The following MDGA2 variants were observed in gnomAD, a reference collection of about 807,000 sequenced individuals.
MDGA2 encodes the protein MAM domain-containing glycosylphosphatidylinositol anchor protein 2.
MDGA2 carries 40 observed loss-of-function variants against 117.8 expected under a neutral mutation model. The observed-to-expected ratio is 0.34, with a 90% CI of 0.26 to 0.44. The LOEUF is 0.44. MDGA2 is among the 20% of genes least tolerant of loss of function. The pLI is 1.00. For synonymous variants in MDGA2, 452 were observed against 439.0 expected (o/e 1.03, Z -0.37); for missense variants, 1,123 against 1,250.6 (o/e 0.90, Z 1.54).
chr14:47,027,168 TG>T (rs1374552355), intron 8 of MDGA2, among the ~76,000 whole-genome samples: 1 of 148,744 alleles, frequency 6.7e-6, no homozygotes, highest in Non-Finnish European at 1.5e-5. Flanking sequence ...TCTCAAAAAA[TG>T]GAAAAAAAAA....
chr14:47,292,757 T>C (rs1221278151), intron 2 of MDGA2, among the ~76,000 whole-genome samples: 1 of 152,178 alleles, frequency 6.6e-6, no homozygotes, highest in Non-Finnish European at 1.5e-5. Context: ...ATGATTGTGA[T>C]CTTCCATTAT....
chr14:47,344,178 T>C (rs1248827815), intron 1 of MDGA2, among the ~76,000 whole-genome samples: 2 of 152,196 alleles, frequency 1.3e-5, no homozygotes, highest in Non-Finnish European at 2.9e-5. Context: ...TATTTATTTA[T>C]TTCCTAAAGA....
chr14:47,248,704 A>T (rs1001565775), intron 2 of MDGA2, among the ~76,000 whole-genome samples: 1 of 152,122 alleles, frequency 6.6e-6, no homozygotes, highest in Non-Finnish European at 1.5e-5. Context: ...ATAATTGTAA[A>T]TCTTATTAGT....
intron 5 of MDGA2, among the ~76,000 whole-genome samples, chr14:47,119,151 C>T (rs1187139039): frequency 5.8e-5 from 7 of 121,174 alleles, no homozygotes; most frequent in South Asian, 2.9e-4. Flanking sequence ...CCTGGGTTCA[C>T]GCCATTCTCC....
intron 1 of MDGA2, among the ~76,000 whole-genome samples, chr14:47,597,559 A>C (rs1434772892): frequency 6.6e-6 from 1 of 152,074 alleles, no homozygotes; most frequent in Non-Finnish European, 1.5e-5. Flanking sequence ...AGAAATTGGA[A>C]AATGTAAAAA....
intron 7 of MDGA2, among the ~76,000 whole-genome samples, chr14:47,037,345 T>C (rs771425279): frequency 5.9e-5 from 9 of 152,166 alleles, no homozygotes; most frequent in Non-Finnish European, 1.2e-4. Context: ...GAATAACAGA[T>C]AATAAATACT....
At chr14:47,429,004 C>T (rs985455713) in intron 1 of MDGA2, among the ~76,000 whole-genome samples, 3 of 151,996 alleles carry the variant, frequency 2.0e-5, no homozygotes, top group Non-Finnish European at 1.5e-5. Flanking sequence ...GCAGGTGGAT[C>T]GCTTGAGGTC....
At chr14:46,866,911 T>C (rs577649934) in intron 14 of MDGA2, among the ~76,000 whole-genome samples, 1 of 152,222 alleles carries the variant, frequency 6.6e-6, no homozygotes, top group African/African-American at 2.4e-5. Context: ...GGAGAGGATG[T>C]GGAGAAATAG....
intron 1 of MDGA2, among the ~76,000 whole-genome samples, chr14:47,528,312 A>T (rs981017437): frequency 6.6e-6 from 1 of 152,232 alleles, no homozygotes; most frequent in Non-Finnish European, 1.5e-5. Flanking sequence ...TGATGTTAGC[A>T]TGCAGAATAA....
rs186297080 is a variant in MDGA2 at position 47,448,833 on chromosome 14, T to C, written c.281-147283A>G. On this transcript the variant is annotated intron_variant, in intron 1 of 16. Transcript: ENST00000399232. Reference sequence around the variant, plus strand: ...CTGGCATCTGAAGTGAAGGCAGTCATGTGGAACGGAGTCCTTAGCTTGCAG... The same window carrying C: ...CTGGCATCTGAAGTGAAGGCAGTCACGTGGAACGGAGTCCTTAGCTTGCAG... Among the ~76,000 whole-genome samples the C allele has an allele frequency of 2.0e-5, 3 of 152,274 alleles. 1 individual carries two copies. The highest frequency in any genetic ancestry group is 7.2e-5 in the African/African-American group (3 of 41,572).
intron 6 of MDGA2, among the ~76,000 whole-genome samples, chr14:47,091,164 ATACT>A (rs1879632043): frequency 2.0e-5 from 3 of 152,144 alleles, no homozygotes; most frequent in African/African-American, 2.4e-5. Flanking sequence ...ACATCATTTA[ATACT>A]TACTTAGGTT....
chr14:47,127,732 G>A (rs1204780839), intron 5 of MDGA2, among the ~76,000 whole-genome samples: 1 of 151,996 alleles, frequency 6.6e-6, no homozygotes, highest in Non-Finnish European at 1.5e-5. Flanking sequence ...GTTAAATAAA[G>A]TATCTCTAGT....
intron 3 of MDGA2, among the ~76,000 whole-genome samples, chr14:47,147,859 C>G (rs1368643788): frequency 6.6e-6 from 1 of 152,104 alleles, no homozygotes; most frequent in Non-Finnish European, 1.5e-5. Context: ...TTCCTCTCAC[C>G]CTGCGCTAGT....
At chr14:47,380,011 T>C (rs1594826835) in intron 1 of MDGA2, among the ~76,000 whole-genome samples, 1 of 152,106 alleles carries the variant, frequency 6.6e-6, no homozygotes, top group African/African-American at 2.4e-5. Flanking sequence ...ACAGAAATTA[T>C]AACGAACTGT....
chr14:47,432,635 C>T (rs977557563), intron 1 of MDGA2, among the ~76,000 whole-genome samples: 2 of 151,462 alleles, frequency 1.3e-5, no homozygotes, highest in Admixed American at 6.6e-5. Context: ...GCCCTTCTGA[C>T]AAAAAGAATG....
chr14:46,933,838 A>G (rs1174818476), intron 9 of MDGA2, among the ~76,000 whole-genome samples: 2 of 76,000 alleles, frequency 2.6e-5, no homozygotes, highest in Non-Finnish European at 6.0e-5. Context: ...ATATATATAT[A>G]TATATATATA....
chr14:47,231,798 A>G (rs1886701964), intron 2 of MDGA2, among the ~76,000 whole-genome samples: 1 of 152,016 alleles, frequency 6.6e-6, no homozygotes. Context: ...AGTTAAAATA[A>G]AAAAGGTCTG....
In MDGA2 at chr14:47,083,625, T is replaced by C. The variant is rs138727366; in HGVS notation, c.1195+13229A>G. Among the ~76,000 whole-genome samples, 953 of 152,082 alleles carry C rather than the reference T, an allele frequency of 6.3e-3. 7 individuals carry two copies. The highest frequency in any genetic ancestry group is 6.8e-3 in the Middle Eastern group (2 of 294). ...AGTGTAAATTATCTAAATACACCAA[T>C]TGAAACAAGGATTGGCAAAGTGGAT... On this transcript the variant is annotated intron_variant, in intron 6 of 16. Coordinates refer to ENST00000399232, the MANE Select transcript of MDGA2 (RefSeq NM_001113498.3).
At chr14:47,105,275 C>G (rs984424506) in intron 5 of MDGA2, among the ~76,000 whole-genome samples, 3 of 152,094 alleles carry the variant, frequency 2.0e-5, no homozygotes, top group African/African-American at 7.2e-5. Context: ...CTCTGTGCCC[C>G]AATCCCTTAT....
Sources: allele counts gnomAD v4.1 joint callset (sites outside exome capture counted in the v4.1 genomes callset), GRCh38; gene constraint gnomAD v4.1.1; transcripts MANE v1.5; gene names NCBI Gene and HGNC (gene_info 2026-07-23, HGNC 2026-07-21).